The following ELL2 variants were observed in gnomAD, a reference collection of about 807,000 sequenced individuals.
ELL2 encodes the protein RNA polymerase II elongation factor ELL2.
In ELL2, 21 loss-of-function variants were observed where a neutral mutation model predicts 72.8. The ratio of observed to expected loss-of-function variants is 0.29; its 90% CI spans 0.20 to 0.42. The LOEUF (loss-of-function observed/expected upper bound fraction) is 0.42, where lower values mean the gene tolerates loss of function less well. Ranked by LOEUF, ELL2 falls within the 10% of genes least tolerant of loss-of-function variation. The pLI, the probability that ELL2 is intolerant of heterozygous loss-of-function variation, is 1.00. For missense variants in ELL2, 568 were observed against 772.8 expected, an observed-to-expected ratio of 0.73 and a Z score of 3.14; for synonymous variants, 266 against 283.2, an observed-to-expected ratio of 0.94 and a Z score of 0.61.
chr5:95,935,620 TG>T (rs2112338319), intron 2 of ELL2, among the ~76,000 whole-genome samples: 1 of 152,248 alleles, frequency 6.6e-6, no homozygotes, highest in African/African-American at 2.4e-5. Context: ...AATTCTCCAA[TG>T]GGAATACCCC....
rs760693675 is a variant in ELL2 at position 95,895,708 on chromosome 5, C to A, written c.1526-17G>T. On this transcript the variant is annotated splice_polypyrimidine_tract_variant and intron_variant, in intron 8 of 11. Transcript: ENST00000237853. ...CTTTAACTCCTATGAAGAAAAAAAACAAAATCAGAGCATTCATCAACTACG... is the reference window on the plus strand; with the variant it reads ...CTTTAACTCCTATGAAGAAAAAAAAAAAAATCAGAGCATTCATCAACTACG... 5.0e-6 allele frequency: 8 copies of A among 1,605,204 alleles called. No homozygotes were observed. The highest frequency in any genetic ancestry group is 6.8e-6 in the Non-Finnish European group (8 of 1,172,334).
intron 4 of ELL2, among the ~76,000 whole-genome samples, chr5:95,910,512 A>G (rs1749548395): frequency 6.6e-6 from 1 of 152,152 alleles, no homozygotes; most frequent in African/African-American, 2.4e-5. Context: ...AAGTAAAAAT[A>G]TTACTGGAAG....
At chr5:95,950,904 GTATATATATA>G (rs869036736) in intron 1 of ELL2, among the ~76,000 whole-genome samples, 1,268 of 46,462 alleles carry the variant, frequency 0.027, 32 homozygotes, top group Admixed American at 0.12. Context: ...GTATGTATGT[GTATATATATA>G]TATATATATA....
In ELL2 at chr5:95,898,821, G is replaced by T; in HGVS notation, c.955-11C>A. 6.8e-7 allele frequency: 1 copy of T among 1,477,764 alleles called. No individual in the cohort carries two copies. The highest frequency in any genetic ancestry group is 1.6e-5 in the South Asian group (1 of 63,746). The allele number at this position is 1,477,764 out of a possible 1,614,324, so 91.5% of individuals were successfully genotyped here. A position where few individuals can be genotyped will look rare whatever the true frequency, so the allele number is the denominator to read the frequency against. The stretch of plus-strand genomic sequence containing the variant: ...ATCCAAAAGCCGTTTCTAGGGGAGG[G>T]AAAAGGAGAAAAGTGAGCCAGTTTG... On this transcript the variant is annotated splice_polypyrimidine_tract_variant and intron_variant, in intron 7 of 11. Coordinates refer to ENST00000237853, the MANE Select transcript of ELL2 (RefSeq NM_012081.6).
intron 10 of ELL2, chr5:95,890,857 T>G (rs1748634870): frequency 2.0e-6 from 1 of 497,104 alleles, no homozygotes; most frequent in Admixed American, 3.3e-5. Flanking sequence ...TTGTGTTTGG[T>G]ATTTTTCTCA....
chr5:95,903,410 AGTTTCACCATGT>A (rs1265239529), intron 5 of ELL2, among the ~76,000 whole-genome samples: 5 of 150,934 alleles, frequency 3.3e-5, no homozygotes, highest in Admixed American at 6.6e-5. Context: ...GTAGAGACAG[AGTTTCACCATGT>A]GTTTCACCAT....
chr5:95,895,609 G>GGCAGACATATGC lies in ELL2; in HGVS notation c.1589+18_1589+19insGCATATGTCTGC. 1 of 1,609,168 alleles carries GGCAGACATATGC rather than the reference G, an allele frequency of 6.2e-7. No homozygotes were observed. The highest frequency in any genetic ancestry group is 8.5e-7 in the Non-Finnish European group (1 of 1,175,812). On this transcript the variant is annotated intron_variant, in intron 9 of 11. Coordinates refer to ENST00000237853, the MANE Select transcript of ELL2 (RefSeq NM_012081.6). Reference sequence around the variant, plus strand: ...CTAAAATTAAGCCGCTCTCTCCATTGGCAGACATATGAACTTACATCAAAT... The same window carrying GGCAGACATATGC: ...CTAAAATTAAGCCGCTCTCTCCATTGGCAGACATATGCGCAGACATATGAACTTACATCAAAT...
intron 2 of ELL2, among the ~76,000 whole-genome samples, chr5:95,934,829 C>T (rs1222270797): frequency 1.3e-5 from 2 of 152,068 alleles, no homozygotes; most frequent in African/African-American, 2.4e-5. Context: ...TTATGTTTCT[C>T]GAACAATTAG....
chr5:95,918,446 G>T (rs73771803), intron 3 of ELL2, among the ~76,000 whole-genome samples: 2,760 of 152,300 alleles, frequency 0.018, 92 homozygotes, highest in African/African-American at 0.063. Flanking sequence ...GAAAATGACA[G>T]ATTAAATAAC....
Position 95,886,332 on chromosome 5 carries a change from A to T in ELL2, c.*2539T>A, listed in dbSNP as rs1017609791. ...GAGATTTATAATTTTCAAATTTACA[A>T]CTAATAGACAGACACACTTTTGCAA... is the stretch of plus-strand genomic sequence containing the variant. On this transcript the variant is annotated 3_prime_UTR_variant, in exon 12 of 12. Coordinates refer to ENST00000237853, the MANE Select transcript of ELL2 (RefSeq NM_012081.6). 6.6e-6 allele frequency: 1 copy of T among 152,236 alleles called. No individual in the cohort carries two copies. The highest frequency in any genetic ancestry group is 1.5e-5 in the Non-Finnish European group (1 of 68,034). 9.4% of individuals were successfully genotyped at this position (152,236 alleles called of 1,614,324 possible). A position where few individuals can be genotyped will look rare whatever the true frequency, so the allele number is the denominator to read the frequency against.
At chr5:95,930,404 G>A (rs988878972) in intron 2 of ELL2, among the ~76,000 whole-genome samples, 1 of 152,150 alleles carries the variant, frequency 6.6e-6, no homozygotes, top group African/African-American at 2.4e-5. Context: ...AAGGTTAACA[G>A]AAGTCTCAAA....
chr5:95,937,963 C>G (rs1750838055), intron 2 of ELL2, among the ~76,000 whole-genome samples: 1 of 152,144 alleles, frequency 6.6e-6, no homozygotes, highest in Non-Finnish European at 1.5e-5. Flanking sequence ...ATCTTTGCTT[C>G]CCCAGGAACC....
At chr5:95,940,116 T>C (rs1750917350) in intron 2 of ELL2, among the ~76,000 whole-genome samples, 1 of 152,338 alleles carries the variant, frequency 6.6e-6, no homozygotes, top group South Asian at 2.1e-4. Flanking sequence ...CTCACCTTTC[T>C]GAATCCAGAA....
At chr5:95,909,429 G>T (rs1749496808) in intron 4 of ELL2, among the ~76,000 whole-genome samples, 1 of 152,066 alleles carries the variant, frequency 6.6e-6, no homozygotes, top group African/African-American at 2.4e-5. Flanking sequence ...CATCCCTTTT[G>T]TGCCTATTCG....
At position 95,900,732 on chromosome 5, in the gene ELL2, A is replaced by C. The variant is rs760449742; in HGVS notation, c.915T>G (p.Ser305=). 1 of 1,608,462 alleles carries C rather than the reference A, an allele frequency of 6.2e-7. No individual in the cohort carries two copies. Among genetic ancestry groups the C allele is most frequent in the African/African-American group, 1.3e-5 (1 of 74,526 alleles). ...CAGCGTCTCTACTAGAACATACAGG[A>C]GATTCTGAACGGCTGGTGCCTGCAG... ...QNAAGTSRSE[S]PVCSSRDAVS... Residue 305 remains serine (S), a synonymous_variant, in exon 7 of 12, where the codon TCT becomes TCG. Coordinates refer to ENST00000237853, the MANE Select transcript of ELL2 (RefSeq NM_012081.6).
chr5:95,952,528 A>G (rs1475187843), intron 1 of ELL2, among the ~76,000 whole-genome samples: 6 of 152,224 alleles, frequency 3.9e-5, no homozygotes, highest in African/African-American at 1.4e-4. Flanking sequence ...ATCTTTTATA[A>G]TAACAAAATC....
At chr5:95,949,952 T>G (rs992734897) in intron 1 of ELL2, among the ~76,000 whole-genome samples, 1 of 152,190 alleles carries the variant, frequency 6.6e-6, no homozygotes, top group African/African-American at 2.4e-5. Flanking sequence ...TCAGGTAAGT[T>G]CTGTGAATTA....
At chr5:95,915,738 A>G (rs1749768643) in intron 3 of ELL2, among the ~76,000 whole-genome samples, 1 of 152,224 alleles carries the variant, frequency 6.6e-6, no homozygotes, top group Non-Finnish European at 1.5e-5. Context: ...GGGAAGAAGA[A>G]TGAAAGTGTT....
At chr5:95,940,794 G>A (rs112974869) in intron 2 of ELL2, among the ~76,000 whole-genome samples, 1 of 152,176 alleles carries the variant, frequency 6.6e-6, no homozygotes. Context: ...AAAGCAATCA[G>A]CAAGGCAACA....
Sources: gnomAD v4.1 joint callset for allele counts (sites outside exome capture counted in the v4.1 genomes callset) on GRCh38, gnomAD v4.1.1 for gene constraint, MANE v1.5 for transcripts, NCBI Gene and HGNC (gene_info 2026-07-23, HGNC 2026-07-21) for gene names.